Variants in ARHGEF11 observed in about 807,000 individuals in gnomAD.
ARHGEF11 encodes the protein Rho guanine exchange factor (GEF) 11.
A neutral mutation model predicts 193.7 loss-of-function variants in ARHGEF11; 55 were observed. The observed-to-expected ratio is 0.28, with a 90% CI of 0.23 to 0.36. The LOEUF is 0.36. Ranked by LOEUF, ARHGEF11 falls within the 10% of genes least tolerant of loss-of-function variation. The probability of loss-of-function intolerance (pLI) is 1.00; values close to 1 mark genes in which losing one functional copy is unlikely to be tolerated. For synonymous variants in ARHGEF11, 693 were observed against 768.0 expected, an observed-to-expected ratio of 0.90 and a Z score of 1.62; for missense variants, 1,723 against 2,005.6, an observed-to-expected ratio of 0.86 and a Z score of 2.69.
chr1:156,996,849 C>T (rs1354500241), intron 1 of ARHGEF11, among the ~76,000 whole-genome samples: 4 of 135,262 alleles, frequency 3.0e-5, no homozygotes, highest in African/African-American at 8.3e-5. Flanking sequence ...GCTTAGGAAC[C>T]TCTCTCTCTA....
intron 1 of ARHGEF11, among the ~76,000 whole-genome samples, chr1:157,036,079 A>C (rs1671967724): frequency 7.1e-6 from 1 of 141,698 alleles, no homozygotes; most frequent in Non-Finnish European, 1.5e-5. Context: ...ATCTATATGA[A>C]TATATATATG....
intron 10 of ARHGEF11, among the ~76,000 whole-genome samples, chr1:156,968,782 G>A (rs892741572): frequency 3.9e-5 from 6 of 152,310 alleles, no homozygotes; most frequent in East Asian, 3.9e-4. Context: ...ACACCTGGAA[G>A]AGATAACCTT....
chr1:157,046,789 G>C (rs1673353887), upstream of ARHGEF11, among the ~76,000 whole-genome samples: 1 of 152,070 alleles, frequency 6.6e-6, no homozygotes, highest in African/African-American at 2.4e-5. Flanking sequence ...CCGAGGCGGG[G>C]CCTGAGGTCA....
chr1:157,009,781 T>C (rs1005965608), intron 1 of ARHGEF11, among the ~76,000 whole-genome samples: 4 of 152,222 alleles, frequency 2.6e-5, no homozygotes, highest in Non-Finnish European at 5.9e-5. Flanking sequence ...TGAAAGACAC[T>C]AAGATATCCA....
chr1:156,943,797 G>C, intron 32 of ARHGEF11, 138 bp downstream of exon 32: 1 of 1,096,486 alleles, frequency 9.1e-7, no homozygotes, highest in Non-Finnish European at 1.3e-6. Flanking sequence ...TACCACTTAG[G>C]CTGGGTCAGG....
At chr1:156,943,153 C>T (rs1278640843) in intron 32 of ARHGEF11, among the ~76,000 whole-genome samples, 3 of 151,406 alleles carry the variant, frequency 2.0e-5, no homozygotes, top group Non-Finnish European at 2.9e-5. Flanking sequence ...CTGCGCCTCC[C>T]GGGTTCAAGT....
At chr1:157,027,384 A>C (rs1670775905) in intron 1 of ARHGEF11, among the ~76,000 whole-genome samples, 1 of 152,186 alleles carries the variant, frequency 6.6e-6, no homozygotes, top group Non-Finnish European at 1.5e-5. Flanking sequence ...CCTGTCTCAC[A>C]CACAAAAAAA....
intron 7 of ARHGEF11, among the ~76,000 whole-genome samples, chr1:156,973,190 A>G (rs1229138001): frequency 6.6e-6 from 1 of 152,190 alleles, no homozygotes; most frequent in Non-Finnish European, 1.5e-5. Context: ...GGCCTCCCCA[A>G]GTGCTGGGAC....
intron 6 of ARHGEF11, among the ~76,000 whole-genome samples, chr1:156,977,894 G>A (rs1663483908): frequency 6.6e-6 from 1 of 152,206 alleles, no homozygotes; most frequent in Admixed American, 6.5e-5. Flanking sequence ...TGCCTGAAGT[G>A]TACACTCTCT....
chr1:157,028,260 T>G (rs1249224554), intron 1 of ARHGEF11, among the ~76,000 whole-genome samples: 1 of 152,370 alleles, frequency 6.6e-6, no homozygotes, highest in Admixed American at 6.5e-5. Flanking sequence ...AATTGGAGAC[T>G]ATAAGACATG....
rs66730438 is a variant in ARHGEF11 at position 156,996,772 on chromosome 1, CAAAAAA to C, written c.33-10605_33-10600del. 1.6e-4 allele frequency among the ~76,000 whole-genome samples: 6 copies of C among 38,642 alleles called. No homozygotes were observed. In the East Asian group the frequency reaches 7.6e-3, roughly 49 times the overall value. The allele number at this position is 38,642 out of a possible 152,430, so 25.4% of individuals were successfully genotyped here. A position where few individuals can be genotyped will look rare whatever the true frequency, so the allele number is the denominator to read the frequency against. On this transcript the variant is annotated intron_variant, in intron 1 of 40. Coordinates refer to ENST00000368194, the MANE Select transcript of ARHGEF11 (RefSeq NM_198236.3). ...TGGGCGACAGAGCGAGACTCTGTCT[CAAAAAA>C]AAAAAAAAAAAAAAAAGACAAGGGT...
At chr1:156,969,047 T>A (rs762085836) in intron 10 of ARHGEF11, among the ~76,000 whole-genome samples, 2 of 152,238 alleles carry the variant, frequency 1.3e-5, no homozygotes, top group Non-Finnish European at 2.9e-5. Flanking sequence ...CACCCTACTC[T>A]TTATATAACA....
At chr1:156,939,238 G>T in intron 37 of ARHGEF11, 1 of 378,124 alleles carries the variant, frequency 2.6e-6, no homozygotes. Context: ...AACAGAGACT[G>T]GTACTGGTAG....
intron 1 of ARHGEF11, among the ~76,000 whole-genome samples, chr1:157,028,541 T>C (rs1272195175): frequency 6.6e-6 from 1 of 152,050 alleles, no homozygotes; most frequent in Non-Finnish European, 1.5e-5. Flanking sequence ...AGTGACCAAA[T>C]TACCAAAGAT....
rs556572539 is a variant in ARHGEF11, at chr1:156,969,827, G to A, written c.748+171C>T. 4.6e-5 allele frequency among the ~76,000 whole-genome samples: 7 copies of A among 152,346 alleles called. No homozygotes were observed. The South Asian group carries it at 8.3e-4, about 18-fold the overall frequency. The stretch of plus-strand genomic sequence containing the variant: ...CTATACACTCTATTCTACTGCCTAA[G>A]TTGTATCCAGCTTCCCTGTGTATTT... On this transcript the variant is annotated intron_variant, in intron 9 of 40. Coordinates refer to ENST00000368194, the MANE Select transcript of ARHGEF11 (RefSeq NM_198236.3).
chr1:156,953,167 C>T (rs1215086305), intron 21 of ARHGEF11, among the ~76,000 whole-genome samples: 2 of 152,244 alleles, frequency 1.3e-5, no homozygotes, highest in Admixed American at 6.5e-5. Context: ...AGTGGCGAGG[C>T]ACACAATGCC....
At chr1:156,972,542 T>C (rs1222701193) in intron 7 of ARHGEF11, among the ~76,000 whole-genome samples, 2 of 152,268 alleles carry the variant, frequency 1.3e-5, no homozygotes, top group Non-Finnish European at 2.9e-5. Flanking sequence ...GCTATTAACA[T>C]TTCATTACAA....
chr1:156,981,524 T>C (rs1664169384), intron 3 of ARHGEF11, among the ~76,000 whole-genome samples: 1 of 152,258 alleles, frequency 6.6e-6, no homozygotes, highest in African/African-American at 2.4e-5. Flanking sequence ...TCACCCAGGC[T>C]GGAGTGCAGC....
At chr1:157,001,011 C>A (rs1415128360) in intron 1 of ARHGEF11, among the ~76,000 whole-genome samples, 1 of 152,122 alleles carries the variant, frequency 6.6e-6, no homozygotes, top group Non-Finnish European at 1.5e-5. Context: ...CCTGTTCTAC[C>A]CTTCGAAAAC....
Sources: allele counts gnomAD v4.1 joint callset (sites outside exome capture counted in the v4.1 genomes callset), GRCh38; gene constraint gnomAD v4.1.1; transcripts MANE v1.5; gene names NCBI Gene and HGNC (gene_info 2026-07-23, HGNC 2026-07-21).